FHIT: variants seen among roughly 807,000 people sequenced by gnomAD.
FHIT encodes the protein fragile histidine triad diadenosine triphosphatase.
In FHIT, 19 loss-of-function variants were observed where a neutral mutation model predicts 17.9. The observed-to-expected ratio is 1.06, with a 90% CI of 0.74 to 1.56. The LOEUF (loss-of-function observed/expected upper bound fraction) is 1.56. Ranked by LOEUF, FHIT falls within the 40% of genes most tolerant of loss-of-function variation. The probability of loss-of-function intolerance (pLI) is 0.00; values close to 1 mark genes in which losing one functional copy is unlikely to be tolerated. For missense variants in FHIT, 248 were observed against 189.2 expected, an observed-to-expected ratio of 1.31 and a Z score of -1.82; for synonymous variants, 81 against 69.7, an observed-to-expected ratio of 1.16 and a Z score of -0.81.
At chr3:60,460,937 A>C (rs1317656755) in intron 5 of FHIT, among the ~76,000 whole-genome samples, 2 of 152,220 alleles carry the variant, frequency 1.3e-5, no homozygotes, top group South Asian at 2.1e-4. Flanking sequence ...CTTAGTCATC[A>C]GTCCCAAACT....
intron 2 of FHIT, among the ~76,000 whole-genome samples, chr3:61,071,658 G>A (rs1367903857): frequency 2.0e-5 from 3 of 152,100 alleles, no homozygotes; most frequent in African/African-American, 7.2e-5. Context: ...AACAGTCTAT[G>A]CAGCCTATTT....
chr3:59,792,862 C>A (rs1302583166), intron 8 of FHIT, among the ~76,000 whole-genome samples: 1 of 131,216 alleles, frequency 7.6e-6, no homozygotes, highest in Non-Finnish European at 1.5e-5. Context: ...GTTTGGAGGT[C>A]CTTATTTTTT....
intron 1 of FHIT, among the ~76,000 whole-genome samples, chr3:61,232,340 T>A (rs1320091170): frequency 6.6e-6 from 1 of 152,146 alleles, no homozygotes; most frequent in African/African-American, 2.4e-5. Context: ...TGAGCTGAGA[T>A]CTTGCCACTG....
intron 5 of FHIT, among the ~76,000 whole-genome samples, chr3:60,133,481 A>G (rs1421084710): frequency 1.3e-5 from 2 of 152,172 alleles, no homozygotes; most frequent in African/African-American, 4.8e-5. Flanking sequence ...TGCAAAGGGT[A>G]TGGCTCAGCA....
chr3:59,802,935 G>A (rs1194511439), intron 8 of FHIT, among the ~76,000 whole-genome samples: 2 of 152,134 alleles, frequency 1.3e-5, no homozygotes, highest in Non-Finnish European at 2.9e-5. Context: ...TTTCTATCTT[G>A]AACTGTAGTG....
chr3:60,517,803 G>C (rs1455735432), intron 5 of FHIT, among the ~76,000 whole-genome samples: 1 of 152,100 alleles, frequency 6.6e-6, no homozygotes, highest in Non-Finnish European at 1.5e-5. Context: ...GCAATTAATA[G>C]TATAAAGACC....
chr3:60,023,209 G>A (rs887711549), intron 5 of FHIT, among the ~76,000 whole-genome samples: 5 of 152,318 alleles, frequency 3.3e-5, no homozygotes, highest in Non-Finnish European at 5.9e-5. Flanking sequence ...ACTTTGCTAT[G>A]AGAATCATTT....
At chr3:60,647,527 G>T (rs1016602145) in intron 4 of FHIT, among the ~76,000 whole-genome samples, 2 of 152,122 alleles carry the variant, frequency 1.3e-5, no homozygotes, top group Admixed American at 6.6e-5. Flanking sequence ...ACTTGCCCAG[G>T]TTTATCCCTG....
At chr3:60,165,359 C>T (rs1003306015) in intron 5 of FHIT, among the ~76,000 whole-genome samples, 6 of 152,108 alleles carry the variant, frequency 3.9e-5, no homozygotes, top group East Asian at 3.9e-4. Flanking sequence ...GTGCCTTCAG[C>T]GCAACTGTCA....
At chr3:61,135,292 CT>C (rs1202372107) in intron 2 of FHIT, among the ~76,000 whole-genome samples, 5 of 152,316 alleles carry the variant, frequency 3.3e-5, no homozygotes, top group African/African-American at 1.2e-4. Flanking sequence ...AACTTAGGGA[CT>C]TACTAATAGC....
At chr3:60,930,942 T>A (rs575010125) in intron 3 of FHIT, among the ~76,000 whole-genome samples, 31 of 152,148 alleles carry the variant, frequency 2.0e-4, no homozygotes, top group African/African-American at 7.2e-4. Context: ...CTATTTACAA[T>A]AGCAAAGACT....
intron 7 of FHIT, among the ~76,000 whole-genome samples, chr3:59,939,570 T>C (rs1706409065): frequency 6.6e-6 from 1 of 152,198 alleles, no homozygotes; most frequent in Non-Finnish European, 1.5e-5. Flanking sequence ...GGAATTAACA[T>C]TTGGTCAAGA....
intron 4 of FHIT, among the ~76,000 whole-genome samples, chr3:60,712,542 CA>C (rs2041565751): frequency 6.6e-6 from 1 of 151,798 alleles, no homozygotes; most frequent in African/African-American, 2.4e-5. Context: ...ATCTCACATA[CA>C]GAGACACACA....
chr3:60,785,705 A>C (rs942502717), intron 4 of FHIT, among the ~76,000 whole-genome samples: 19 of 152,180 alleles, frequency 1.2e-4, no homozygotes, highest in Non-Finnish European at 2.6e-4. Flanking sequence ...TGTGGTGGCA[A>C]AAAGAGTATC....
intron 7 of FHIT, among the ~76,000 whole-genome samples, chr3:59,970,889 G>A (rs192681963): frequency 4.7e-5 from 7 of 147,942 alleles, no homozygotes; most frequent in East Asian, 2.0e-4. Flanking sequence ...GGGTTTAACC[G>A]GTGAACTAGT....
intron 1 of FHIT, among the ~76,000 whole-genome samples, chr3:61,215,307 G>C (rs1034767267): frequency 6.6e-6 from 1 of 151,798 alleles, no homozygotes; most frequent in Non-Finnish European, 1.5e-5. Context: ...AGCAGCTTCA[G>C]CAAAGTCTCA....
intron 5 of FHIT, among the ~76,000 whole-genome samples, chr3:60,303,411 A>G (rs9829607): frequency 0.49 from 74,905 of 152,046 alleles, 19,450 homozygotes; most frequent in East Asian, 0.95. Context: ...GAAGTTGCTC[A>G]TGGACTTTGT....
chr3:60,388,551 C>T (rs908763704), intron 5 of FHIT, among the ~76,000 whole-genome samples: 8 of 152,088 alleles, frequency 5.3e-5, no homozygotes, highest in African/African-American at 1.9e-4. Context: ...CAATGAGCAG[C>T]GATCATGCCA....
intron 3 of FHIT, among the ~76,000 whole-genome samples, chr3:60,842,200 C>T (rs1171433579): frequency 6.6e-6 from 1 of 152,126 alleles, no homozygotes; most frequent in Non-Finnish European, 1.5e-5. Flanking sequence ...CTGGAATGCA[C>T]AGAATTGACA....
Sources: allele counts gnomAD v4.1 joint callset (sites outside exome capture counted in the v4.1 genomes callset), GRCh38; gene constraint gnomAD v4.1.1; transcripts MANE v1.5; gene names NCBI Gene and HGNC (gene_info 2026-07-23, HGNC 2026-07-21).